DPP6: variants seen among roughly 807,000 people sequenced by gnomAD.
DPP6 encodes A-type potassium channel modulatory protein DPP6.
In DPP6, 69 loss-of-function variants were observed where a neutral mutation model predicts 122.6. The ratio of observed to expected loss-of-function variants is 0.56; its 90% CI spans 0.46 to 0.69. The LOEUF (loss-of-function observed/expected upper bound fraction) is 0.69, where lower values mean the gene tolerates loss of function less well. Among genes scored for constraint, DPP6 ranks in the 30% least tolerant of loss-of-function variants. The pLI is 0.00. For synonymous variants in DPP6, 418 were observed against 433.1 expected (o/e 0.97, Z 0.43); for missense variants, 928 against 1,116.9 (o/e 0.83, Z 2.41).
chr7:154,472,382 G>A (rs1822352772), intron 2 of DPP6, among the ~76,000 whole-genome samples: 1 of 151,996 alleles, frequency 6.6e-6, no homozygotes, highest in Non-Finnish European at 1.5e-5. Flanking sequence ...GCCCTTATGA[G>A]CCTTCCTAGC....
rs911531445 is a variant in DPP6 at position 154,164,468 on chromosome 7, T to C, written c.243+111405T>C. 3.1e-4 allele frequency among the ~76,000 whole-genome samples: 47 copies of C among 152,192 alleles called. 1 individual carries two copies. The highest frequency in any genetic ancestry group is 6.0e-4 in the Non-Finnish European group (41 of 68,028). ...GATGTTTGTTTTACTGCTTCCTTGA[T>C]GTATAATTTACATACCATAAAATCT... On this transcript the variant is annotated intron_variant, in intron 1 of 25. Transcript: ENST00000377770.
intron 1 of DPP6, among the ~76,000 whole-genome samples, chr7:154,108,428 TCTG>T (rs1214661199): frequency 6.6e-6 from 1 of 152,200 alleles, no homozygotes; most frequent in Non-Finnish European, 1.5e-5. Flanking sequence ...CCAGGGATCA[TCTG>T]CTGGTTGCAA....
intron 1 of DPP6, among the ~76,000 whole-genome samples, chr7:153,952,429 T>C (rs1802262371): frequency 6.6e-6 from 1 of 152,238 alleles, no homozygotes; most frequent in Non-Finnish European, 1.5e-5. Context: ...TAAATCTCAC[T>C]CAGATTCAAA....
At chr7:154,889,221 C>G (rs2150702194) in intron 23 of DPP6, 51 bp from the exon 24 acceptor site, 1 of 1,584,094 alleles carries the variant, frequency 6.3e-7, no homozygotes, top group East Asian at 2.3e-5. Flanking sequence ...GAACACCTGG[C>G]TCCCTGCAGT....
intron 1 of DPP6, among the ~76,000 whole-genome samples, chr7:154,432,931 A>T (rs775606303): frequency 6.6e-6 from 1 of 152,162 alleles, no homozygotes; most frequent in Non-Finnish European, 1.5e-5. Context: ...AAGACAGCCA[A>T]TCAGAATCTT....
At chr7:153,927,267 C>T (rs970103723) in intron 1 of DPP6, among the ~76,000 whole-genome samples, 2 of 152,092 alleles carry the variant, frequency 1.3e-5, no homozygotes, top group Admixed American at 6.6e-5. Context: ...GAGCTGTGGT[C>T]GTGCCACTGC....
chr7:154,027,553 A>C (rs1039204417), intron 1 of DPP6, among the ~76,000 whole-genome samples: 6 of 151,584 alleles, frequency 4.0e-5, no homozygotes, highest in African/African-American at 1.5e-4. Flanking sequence ...CCACCTAATC[A>C]CTCCCAAAGT....
intron 5 of DPP6, among the ~76,000 whole-genome samples, chr7:154,599,396 G>A (rs546408680): frequency 6.6e-6 from 1 of 152,198 alleles, no homozygotes; most frequent in African/African-American, 2.4e-5. Flanking sequence ...CTTTTTATAT[G>A]GAGAAAACGT....
In DPP6 at chr7:154,030,003, C is replaced by T. The variant is rs144175292; in HGVS notation, c.51+142269C>T. Among the ~76,000 whole-genome samples, 1,314 of 152,248 alleles carry T rather than the reference C, an allele frequency of 8.6e-3. 19 individuals are homozygous for T. The highest frequency in any genetic ancestry group is 0.03 in the African/African-American group (1,248 of 41,548). The stretch of plus-strand genomic sequence containing the variant: ...TTGAGGCCAGGTGTTTGAAACCAGC[C>T]TGGGCAACATGGCAAAACCCCATCT... On this transcript the variant is annotated intron_variant, in intron 1 of 25. Coordinates refer to the DPP6 transcript ENST00000404039.
intron 5 of DPP6, among the ~76,000 whole-genome samples, chr7:154,612,246 C>T (rs1021549282): frequency 1.3e-5 from 2 of 152,162 alleles, no homozygotes; most frequent in Non-Finnish European, 2.9e-5. Flanking sequence ...AGGACTAAGA[C>T]ACCACCATAG....
intron 1 of DPP6, among the ~76,000 whole-genome samples, chr7:154,284,725 T>G (rs1175199081): frequency 6.6e-6 from 1 of 152,122 alleles, no homozygotes; most frequent in Non-Finnish European, 1.5e-5. Context: ...CGTGGTGGTG[T>G]GCACCTGTAA....
intron 1 of DPP6, among the ~76,000 whole-genome samples, chr7:154,191,042 T>C (rs1798592106): frequency 1.3e-5 from 2 of 152,214 alleles, no homozygotes. Flanking sequence ...AAAGAGCAAC[T>C]GCTATTGATT....
chr7:154,093,601 CACACACACCAT>C (rs1248886264), intron 1 of DPP6: 2 of 125,450 alleles, frequency 1.6e-5, no homozygotes, highest in Non-Finnish European at 3.4e-5. Flanking sequence ...CCATACCCCA[CACACACACCAT>C]ACACACACAC....
intron 1 of DPP6, among the ~76,000 whole-genome samples, chr7:154,125,312 A>C (rs542420557): frequency 2.6e-5 from 4 of 152,220 alleles, no homozygotes; most frequent in Admixed American, 2.6e-4. Context: ...TCAGAGTCCT[A>C]CCTGCTTCTG....
At chr7:154,879,707 A>C (rs10246122) in intron 20 of DPP6, among the ~76,000 whole-genome samples, 1 of 151,776 alleles carries the variant, frequency 6.6e-6, no homozygotes, top group Non-Finnish European at 1.5e-5. Flanking sequence ...AGCCACGATC[A>C]CGCCACTGCA....
the DPP6 span, among the ~76,000 whole-genome samples, chr7:153,794,042 A>G: frequency 6.6e-6 from 1 of 152,200 alleles, no homozygotes; most frequent in East Asian, 1.9e-4. Flanking sequence ...GGAGCAGGGC[A>G]CTCATGTAGA....
At chr7:154,509,335 A>G (rs111698309) in intron 3 of DPP6, among the ~76,000 whole-genome samples, 14 of 152,228 alleles carry the variant, frequency 9.2e-5, no homozygotes, top group Admixed American at 6.5e-5. Context: ...GAGGAGACAT[A>G]TCTCCAAGAA....
chr7:154,190,258 G>A (rs946524148), intron 1 of DPP6, among the ~76,000 whole-genome samples: 1 of 152,172 alleles, frequency 6.6e-6, no homozygotes, highest in Non-Finnish European at 1.5e-5. Context: ...CCCTGATGCT[G>A]CCCCGGGGAG....
chr7:154,757,972 C>T (rs6944110), intron 8 of DPP6, among the ~76,000 whole-genome samples: 1 of 152,042 alleles, frequency 6.6e-6, no homozygotes, highest in Admixed American at 6.5e-5. Flanking sequence ...CGCTCTCCCC[C>T]CCGCCCTCTC....
Sources: allele counts gnomAD v4.1 joint callset (sites outside exome capture counted in the v4.1 genomes callset), GRCh38; gene constraint gnomAD v4.1.1; transcripts MANE v1.5; gene names NCBI Gene and HGNC (gene_info 2026-07-23, HGNC 2026-07-21).